Variants in TNS3 observed in about 807,000 individuals in gnomAD.
The protein encoded by TNS3 is tensin 3, also known as tensin-3.
TNS3 carries 45 observed loss-of-function variants against 140.9 expected under a neutral mutation model. The observed-to-expected ratio is 0.32, with a 90% CI of 0.25 to 0.41. The LOEUF (loss-of-function observed/expected upper bound fraction) is 0.41, where lower values mean the gene tolerates loss of function less well. Ranked by LOEUF, TNS3 falls within the 10% of genes least tolerant of loss-of-function variation. The probability of loss-of-function intolerance (pLI) is 1.00; values close to 1 mark genes in which losing one functional copy is unlikely to be tolerated. For missense variants in TNS3, 1,716 were observed against 1,906.7 expected (o/e 0.90, Z 1.86); for synonymous variants, 815 against 788.4 (o/e 1.03, Z -0.56).
intron 1 of TNS3, among the ~76,000 whole-genome samples, chr7:47,565,267 C>T (rs1257531516): frequency 9.9e-5 from 15 of 151,628 alleles, no homozygotes; most frequent in African/African-American, 1.5e-4. Context: ...TTAGTAGAGA[C>T]GGGGTTTCAC....
intron 17 of TNS3, among the ~76,000 whole-genome samples, chr7:47,365,125 A>G (rs1378776809): frequency 6.6e-6 from 1 of 152,244 alleles, no homozygotes; most frequent in African/African-American, 2.4e-5. Flanking sequence ...AATAAAACGC[A>G]TTAAAGAGTA....
At chr7:47,558,499 C>T (rs546805457) in intron 1 of TNS3, among the ~76,000 whole-genome samples, 2 of 152,238 alleles carry the variant, frequency 1.3e-5, no homozygotes, top group African/African-American at 4.8e-5. Flanking sequence ...AGCACCTCCC[C>T]ACCCTGCAGT....
intron 23 of TNS3, among the ~76,000 whole-genome samples, chr7:47,299,230 T>C (rs546228806): frequency 9.8e-5 from 15 of 152,344 alleles, no homozygotes; most frequent in Admixed American, 5.9e-4. Flanking sequence ...CTCAACCTGC[T>C]GGGCCCAAGT....
chr7:47,564,643 A>AAAAAAC (rs1800388046), intron 1 of TNS3, among the ~76,000 whole-genome samples: 2 of 105,890 alleles, frequency 1.9e-5, no homozygotes, highest in African/African-American at 7.3e-5. Flanking sequence ...CTCAAAAAAA[A>AAAAAAC]AAAAAACAAA....
intron 13 of TNS3, 78 bp downstream of exon 13, chr7:47,411,649 C>T: frequency 2.1e-6 from 3 of 1,458,616 alleles, no homozygotes; most frequent in South Asian, 1.2e-5. Context: ...ACTGTTTTAA[C>T]ACAGAATCAT....
At chr7:47,316,284 C>T (rs534792828) in intron 20 of TNS3, among the ~76,000 whole-genome samples, 95 of 152,088 alleles carry the variant, frequency 6.2e-4, no homozygotes, top group South Asian at 1.9e-3. Context: ...CATTTCTAGG[C>T]GGGGAATTGG....
intron 4 of TNS3, 31 bp downstream of exon 4, chr7:47,481,072 C>A: frequency 7.8e-7 from 1 of 1,289,224 alleles, no homozygotes; most frequent in African/African-American, 1.5e-5. Flanking sequence ...TTGGATGGAA[C>A]AAGGGAGCCA....
At chr7:47,298,061 C>T (rs1240571693) in intron 23 of TNS3, among the ~76,000 whole-genome samples, 1 of 152,224 alleles carries the variant, frequency 6.6e-6, no homozygotes, top group Non-Finnish European at 1.5e-5. Context: ...GCTGGGATTA[C>T]AGGCGTGAGC....
chr7:47,337,206 G>A (rs1205338723), intron 20 of TNS3, among the ~76,000 whole-genome samples: 2 of 152,132 alleles, frequency 1.3e-5, no homozygotes, highest in Non-Finnish European at 2.9e-5. Context: ...TAAATCTCCA[G>A]CTGTCTTTGC....
intron 4 of TNS3, among the ~76,000 whole-genome samples, chr7:47,474,406 A>G (rs1201754357): frequency 1.4e-5 from 2 of 146,216 alleles, no homozygotes; most frequent in African/African-American, 5.3e-5. Context: ...TAAGCAACAC[A>G]TACACAAAAC....
At chr7:47,449,128 G>A (rs747107237) in intron 4 of TNS3, among the ~76,000 whole-genome samples, 22 of 152,376 alleles carry the variant, frequency 1.4e-4, no homozygotes, top group Admixed American at 6.5e-4. Flanking sequence ...AATCTCTACT[G>A]CCCAGGGAAG....
intron 27 of TNS3, among the ~76,000 whole-genome samples, chr7:47,284,460 G>A (rs1159591608): frequency 1.3e-5 from 2 of 152,214 alleles, no homozygotes; most frequent in African/African-American, 4.8e-5. Context: ...TGTGGGTCTT[G>A]TCCCTGACCA....
intron 17 of TNS3, among the ~76,000 whole-genome samples, chr7:47,351,745 C>T (rs990427941): frequency 1.7e-4 from 26 of 152,054 alleles, no homozygotes; most frequent in African/African-American, 6.3e-4. Context: ...CAAGGAAGGC[C>T]CTAGGGCACG....
intron 16 of TNS3, among the ~76,000 whole-genome samples, chr7:47,391,038 T>C (rs1792483278): frequency 6.6e-6 from 1 of 152,118 alleles, no homozygotes; most frequent in South Asian, 2.1e-4. Flanking sequence ...ATTCCCCCGA[T>C]CTCACGATCC....
chr7:47,297,309 T>G, intron 23 of TNS3, 96 bp from the exon 24 acceptor site: 1 of 1,446,492 alleles, frequency 6.9e-7, no homozygotes, highest in Non-Finnish European at 9.3e-7. Flanking sequence ...CCTTACTCTT[T>G]TTGCAAACTG....
At chr7:47,558,924 C>A (rs1800265690) in intron 1 of TNS3, among the ~76,000 whole-genome samples, 1 of 152,188 alleles carries the variant, frequency 6.6e-6, no homozygotes, top group Non-Finnish European at 1.5e-5. Context: ...AAACTGGCCG[C>A]AAATCTCCCA....
intron 4 of TNS3, among the ~76,000 whole-genome samples, chr7:47,454,352 CCA>C (rs1796157628): frequency 6.6e-6 from 1 of 152,184 alleles, no homozygotes; most frequent in Admixed American, 6.5e-5. Context: ...CCTTTACTGG[CCA>C]CAGTCATCAG....
intron 2 of TNS3, among the ~76,000 whole-genome samples, chr7:47,512,169 C>G (rs953210629): frequency 2.6e-5 from 4 of 152,228 alleles, no homozygotes; most frequent in Non-Finnish European, 5.9e-5. Context: ...GACTGGAACA[C>G]CCAGTGAGCT....
At chr7:47,513,377 C>T (rs747707079) in intron 2 of TNS3, among the ~76,000 whole-genome samples, 2 of 152,118 alleles carry the variant, frequency 1.3e-5, no homozygotes, top group Non-Finnish European at 2.9e-5. Flanking sequence ...TTTTGTTGCC[C>T]AGGCTGGTCT....
Sources: allele counts gnomAD v4.1 joint callset (sites outside exome capture counted in the v4.1 genomes callset), GRCh38; gene constraint gnomAD v4.1.1; transcripts MANE v1.5; gene names NCBI Gene and HGNC (gene_info 2026-07-23, HGNC 2026-07-21).